Variants in ANAPC16 observed in about 807,000 individuals in gnomAD.
The protein encoded by ANAPC16 is anaphase-promoting complex subunit 16.
Under a neutral mutation model 13.1 loss-of-function variants are expected in ANAPC16, and 6 were observed. The ratio of observed to expected loss-of-function variants is 0.46; its 90% confidence interval spans 0.25 to 0.90. The LOEUF (loss-of-function observed/expected upper bound fraction) is 0.90, where lower values mean the gene tolerates loss of function less well. ANAPC16 is among the 40% of genes least tolerant of loss of function. ANAPC16 has a pLI of 0.18. For missense variants in ANAPC16, 113 were observed against 131.1 expected (o/e 0.86, Z 0.67); for synonymous variants, 55 against 51.3 (o/e 1.07, Z -0.31).
intron 2 of ANAPC16, among the ~76,000 whole-genome samples, chr10:72,229,032 GCTTTCCT>G (rs149160460): frequency 0.034 from 5,113 of 151,994 alleles, 282 homozygotes; most frequent in African/African-American, 0.12. Context: ...AATTGTCTAT[GCTTTCCT>G]CTTTCTAAAA....
intron 2 of ANAPC16, among the ~76,000 whole-genome samples, chr10:72,226,750 A>G (rs1860134736): frequency 6.6e-6 from 1 of 152,092 alleles, no homozygotes; most frequent in African/African-American, 2.4e-5. Flanking sequence ...AAAAAGAGTT[A>G]CGGGTTAAGC....
chr10:72,234,577 AACATTTGTCTGGTTCCTTATT>A lies in ANAPC16; in HGVS notation c.*1463_*1483del, dbSNP rs1425167778. 1.3e-5 allele frequency: 2 copies of A among 152,218 alleles called. No homozygotes were observed. The highest frequency in any genetic ancestry group is 2.9e-5 in the Non-Finnish European group (2 of 68,048). 9.4% of individuals were successfully genotyped at this position (152,218 alleles called of 1,614,324 possible). A position where few individuals can be genotyped will look rare whatever the true frequency, so the allele number is the denominator to read the frequency against. The stretch of plus-strand genomic sequence containing the variant: ...GTTGTATGCAAATTTTGCCTTAGAC[AACATTTGTCTGGTTCCTTATT>A]AATAACTTGCATCTGATCTGCTTAG... On this transcript the variant is annotated 3_prime_UTR_variant, in exon 4 of 4. Transcript: ENST00000299381.
At chr10:72,229,846 G>A (rs1318108380) in intron 2 of ANAPC16, among the ~76,000 whole-genome samples, 1 of 152,180 alleles carries the variant, frequency 6.6e-6, no homozygotes, top group East Asian at 1.9e-4. Flanking sequence ...GTTACAGTTT[G>A]CGTTCACAGA....
At position 72,230,430 on chromosome 10, in the gene ANAPC16, G is replaced by A; in HGVS notation, c.207G>A (p.Gln69=). The A allele has an allele frequency of 6.2e-7, 1 of 1,613,920 alleles. No homozygotes were observed. Among genetic ancestry groups the A allele is most frequent in the Non-Finnish European group, 8.5e-7 (1 of 1,179,884 alleles). The part of the protein sequence containing the change: ...FSYQVASTLK[Q]VKHDQQVARM... ...ATCAAGTGGCATCCACGCTTAAACA[G>A]GTGAAACATGGTAAGCACATGAGTG... Residue 69 remains glutamine (Q), a synonymous_variant, in exon 3 of 4, where the codon CAG becomes CAA. Transcript: ENST00000299381.
intron 1 of ANAPC16, among the ~76,000 whole-genome samples, chr10:72,217,826 C>G (rs960871996): frequency 1.3e-5 from 2 of 151,942 alleles, no homozygotes; most frequent in African/African-American, 4.8e-5. Flanking sequence ...CAAAATCCTC[C>G]AAAATTTAAA....
At chr10:72,217,883 C>G (rs1436582420) in intron 1 of ANAPC16, among the ~76,000 whole-genome samples, 1 of 148,746 alleles carries the variant, frequency 6.7e-6, no homozygotes, top group Non-Finnish European at 1.5e-5. Flanking sequence ...CTAATTGGAG[C>G]ATTTTGAATT....
At chr10:72,231,707 C>T (rs745964105) in intron 3 of ANAPC16, among the ~76,000 whole-genome samples, 1 of 152,114 alleles carries the variant, frequency 6.6e-6, no homozygotes, top group Non-Finnish European at 1.5e-5. Flanking sequence ...CAGGTGCACG[C>T]CACCACGCCC....
chr10:72,229,233 T>C lies in ANAPC16; in HGVS notation c.143-1133T>C, dbSNP rs565635147. 2.6e-5 allele frequency among the ~76,000 whole-genome samples: 4 copies of C among 151,476 alleles called. No homozygotes were observed. The East Asian group carries it at 7.7e-4, about 29-fold the overall frequency. On this transcript the variant is annotated intron_variant, in intron 2 of 3. Transcript: ENST00000299381. The stretch of plus-strand genomic sequence containing the variant: ...TTTCATTTTTTTCTTTTTCTCTTTT[T>C]TTTTTTTTTTTGATCACTTTGAAGA...
At position 72,233,529 on chromosome 10, in the gene ANAPC16, T is replaced by G. The variant is rs1860388963; in HGVS notation, c.*413T>G. On this transcript the variant is annotated 3_prime_UTR_variant, in exon 4 of 4. Coordinates refer to ENST00000299381, the MANE Select transcript of ANAPC16 (RefSeq NM_173473.4). ...ATCTGTGGTTAAAAATATAGCATTC[T>G]GACCTAAAAAAGTTATTTTGCAGAT... is the stretch of plus-strand genomic sequence containing the variant. 6.3e-6 allele frequency: 1 copy of G among 159,494 alleles called. No homozygotes were observed. The highest frequency in any genetic ancestry group is 1.9e-4 in the South Asian group (1 of 5,368). 9.9% of individuals were successfully genotyped at this position (159,494 alleles called of 1,614,324 possible).
intron 3 of ANAPC16, among the ~76,000 whole-genome samples, chr10:72,230,741 A>AC (rs931877889): frequency 5.9e-5 from 9 of 152,160 alleles, no homozygotes; most frequent in African/African-American, 2.2e-4. Context: ...CAAAGAAAAA[A>AC]TTAGTCAGGC....
Position 72,224,065 on chromosome 10 carries a change from A to T in ANAPC16, c.142+9A>T. 6.4e-7 allele frequency: 1 copy of T among 1,560,956 alleles called. No individual in the cohort carries two copies. Among genetic ancestry groups the T allele is most frequent in the Non-Finnish European group, 8.8e-7 (1 of 1,142,320 alleles). ...TGGAGAGATGTTAGAAGGTGATCTC[A>T]TGCTGCTTTCTGAATAATTGGATTC... On this transcript the variant is annotated intron_variant, in intron 2 of 3. Transcript: ENST00000299381.
Position 72,233,058 on chromosome 10 carries a change from A to G in ANAPC16, c.275A>G (p.Asp92Gly). The G allele has an allele frequency of 1.2e-6, 2 of 1,614,228 alleles. No individual in the cohort carries two copies. ...LAGLVEELEA[D>G]EWRFKPIEQL... ...GGTTTGGTAGAAGAGCTGGAGGCTG[A>G]CGAGTGGCGGTTTAAGCCCATCGAG... The change falls in exon 4 of 4, where the codon GAC (aspartate) becomes GGC (glycine). Residue 92 changes from aspartate (D) to glycine (G), a missense_variant. Transcript: ENST00000299381.
At chr10:72,217,781 G>T (rs977759799) in intron 1 of ANAPC16, among the ~76,000 whole-genome samples, 1 of 152,024 alleles carries the variant, frequency 6.6e-6, no homozygotes, top group African/African-American at 2.4e-5. Context: ...GGTAGGTGCC[G>T]TTATTACAGG....
At chr10:72,227,460 T>C (rs1454097912) in intron 2 of ANAPC16, among the ~76,000 whole-genome samples, 3 of 152,130 alleles carry the variant, frequency 2.0e-5, no homozygotes, top group Non-Finnish European at 4.4e-5. Context: ...TTACCAATAA[T>C]CTTAAATCTT....
chr10:72,229,608 C>T (rs1226322483), intron 2 of ANAPC16, among the ~76,000 whole-genome samples: 1 of 152,176 alleles, frequency 6.6e-6, no homozygotes. Flanking sequence ...AATGTTTCTA[C>T]GTGAGCTGTA....
At chr10:72,219,260 T>A (rs1180271551) in intron 1 of ANAPC16, among the ~76,000 whole-genome samples, 1 of 152,232 alleles carries the variant, frequency 6.6e-6, no homozygotes, top group South Asian at 2.1e-4. Context: ...GATTTGGACC[T>A]GGTCCCTTAC....
rs185016349 is a variant in ANAPC16 at position 72,231,908 on chromosome 10, C to T, written c.218-1093C>T. On this transcript the variant is annotated intron_variant, in intron 3 of 3. Coordinates refer to ENST00000299381, the MANE Select transcript of ANAPC16 (RefSeq NM_173473.4). ...CCAACTTAAAAAAAAAAAAATAGGC[C>T]GGGCACGGTGGCTCATGCCTATAAT... 1.2e-3 allele frequency among the ~76,000 whole-genome samples: 186 copies of T among 151,782 alleles called. 3 individuals are homozygous for T. In the East Asian group the frequency reaches 0.032, roughly 26 times the overall value.
chr10:72,224,845 T>C (rs951549202), intron 2 of ANAPC16, among the ~76,000 whole-genome samples: 5 of 152,216 alleles, frequency 3.3e-5, no homozygotes, highest in Non-Finnish European at 5.9e-5. Flanking sequence ...CACTGCAGCA[T>C]GATGCCGTGT....
At chr10:72,216,512 C>T (rs1341160923) in intron 1 of ANAPC16, among the ~76,000 whole-genome samples, 2 of 141,656 alleles carry the variant, frequency 1.4e-5, no homozygotes, top group African/African-American at 5.2e-5. Flanking sequence ...GCTGCGGCAT[C>T]TATTTGGTTT....
Sources: gnomAD v4.1 joint callset for allele counts (sites outside exome capture counted in the v4.1 genomes callset) on GRCh38, gnomAD v4.1.1 for gene constraint, MANE v1.5 for transcripts, NCBI Gene and HGNC (gene_info 2026-07-23, HGNC 2026-07-21) for gene names.